BNC2: variants seen among roughly 807,000 people sequenced by gnomAD.
BNC2 encodes zinc finger protein basonuclin-2.
Under a neutral mutation model 76.3 loss-of-function variants are expected in BNC2, and 20 were observed. That is an observed-to-expected ratio of 0.26 (90% confidence interval 0.18 to 0.38). The LOEUF is 0.38. BNC2 is among the 10% of genes least tolerant of loss of function. The pLI is 1.00. For synonymous variants in BNC2, 582 were observed against 514.8 expected, an observed-to-expected ratio of 1.13 and a Z score of -1.77; for missense variants, 1,382 against 1,399.8, an observed-to-expected ratio of 0.99 and a Z score of 0.20.
intron 1 of BNC2, among the ~76,000 whole-genome samples, chr9:16,860,392 G>C (rs1419372697): frequency 6.6e-6 from 1 of 152,096 alleles, no homozygotes; most frequent in Non-Finnish European, 1.5e-5. Flanking sequence ...TATATATCAT[G>C]GTCAATTAAT....
chr9:16,849,382 G>A (rs1407189235), intron 1 of BNC2, among the ~76,000 whole-genome samples: 8 of 98,222 alleles, frequency 8.1e-5, no homozygotes, highest in African/African-American at 3.5e-4. Context: ...TTTTTGAGAT[G>A]GAGTCTCCCT....
intron 1 of BNC2, among the ~76,000 whole-genome samples, chr9:16,817,496 T>C (rs956060327): frequency 6.6e-6 from 1 of 152,168 alleles, no homozygotes; most frequent in African/African-American, 2.4e-5. Flanking sequence ...TCTTGGACAA[T>C]CTGTTTAAAC....
chr9:16,632,900 T>C (rs1821207615), intron 3 of BNC2, among the ~76,000 whole-genome samples: 1 of 152,114 alleles, frequency 6.6e-6, no homozygotes. Context: ...ATAATCGAGT[T>C]TTATAGGAGG....
intron 5 of BNC2, among the ~76,000 whole-genome samples, chr9:16,504,372 G>A (rs758120666): frequency 4.3e-5 from 6 of 139,246 alleles, no homozygotes; most frequent in Non-Finnish European, 9.0e-5. Context: ...CACATATTCT[G>A]AAATAATTGT....
intron 3 of BNC2, among the ~76,000 whole-genome samples, chr9:16,724,918 A>G (rs1237372679): frequency 4.6e-5 from 7 of 152,138 alleles, no homozygotes; most frequent in Admixed American, 4.6e-4. Context: ...GTCTAAATAA[A>G]TAATCAGGAA....
intron 3 of BNC2, among the ~76,000 whole-genome samples, chr9:16,664,809 G>A (rs1822220132): frequency 6.6e-6 from 1 of 152,084 alleles, no homozygotes; most frequent in Admixed American, 6.5e-5. Context: ...GTTCTGCTCT[G>A]GAATAAACTC....
intron 1 of BNC2, among the ~76,000 whole-genome samples, chr9:16,824,993 C>A (rs2135973656): frequency 6.6e-6 from 1 of 152,120 alleles, no homozygotes; most frequent in South Asian, 2.1e-4. Context: ...TATAGCAGAT[C>A]ACACCCCAGA....
In BNC2 at chr9:16,534,756, T is replaced by G. The variant is rs762109656; in HGVS notation, c.669+17774A>C. On this transcript the variant is annotated intron_variant, in intron 5 of 6. Transcript: ENST00000380672. ...TATATTTTCATAAATAACCTAGATA[T>G]GATTTCTTTAAAAAACATTCACAGT... Among the ~76,000 whole-genome samples, 4 of 152,320 alleles carry G rather than the reference T, an allele frequency of 2.6e-5. No homozygotes were observed. The South Asian group carries it at 6.2e-4, about 24-fold the overall frequency.
intron 1 of BNC2, among the ~76,000 whole-genome samples, chr9:16,779,064 C>T (rs548346119): frequency 2.9e-4 from 40 of 137,282 alleles, no homozygotes; most frequent in Middle Eastern, 8.1e-3. Context: ...TGATTGCTTG[C>T]GGTCAGGAGT....
intron 2 of BNC2, among the ~76,000 whole-genome samples, chr9:16,731,737 T>C (rs968609840): frequency 6.6e-6 from 1 of 152,152 alleles, no homozygotes; most frequent in Non-Finnish European, 1.5e-5. Context: ...AATTAAACAT[T>C]TTCCCTGTAA....
chr9:16,748,253 C>T (rs1446178446), intron 1 of BNC2, among the ~76,000 whole-genome samples: 1 of 152,160 alleles, frequency 6.6e-6, no homozygotes, highest in Non-Finnish European at 1.5e-5. Context: ...ATGGCTCACG[C>T]TTGTAATCCC....
Position 16,418,976 on chromosome 9 carries a change from G to T in BNC2, c.*13C>A. On this transcript the variant is annotated 3_prime_UTR_variant, in exon 7 of 7. Transcript: ENST00000380672. ...TCTGGTGAGAGCTGGCATTTGTAGT[G>T]TCCATTCTGAGACTAATCTACTGAA... 6.2e-7 allele frequency: 1 copy of T among 1,613,892 alleles called. No homozygotes were observed.
chr9:16,544,962 T>C (rs909070526), intron 5 of BNC2, among the ~76,000 whole-genome samples: 2 of 152,212 alleles, frequency 1.3e-5, no homozygotes, highest in Admixed American at 6.5e-5. Context: ...TTAACCTTTA[T>C]AGATGAAGAA....
chr9:16,441,691 A>G (rs1340074204), intron 5 of BNC2, among the ~76,000 whole-genome samples: 1 of 152,212 alleles, frequency 6.6e-6, no homozygotes, highest in Non-Finnish European at 1.5e-5. Flanking sequence ...CTGGAACAAA[A>G]GTAACCATTT....
At chr9:16,447,622 C>T (rs1299885786) in intron 5 of BNC2, among the ~76,000 whole-genome samples, 1 of 151,952 alleles carries the variant, frequency 6.6e-6, no homozygotes, top group Non-Finnish European at 1.5e-5. Context: ...ATTACAGTCA[C>T]TAATTCTTTT....
intron 3 of BNC2, among the ~76,000 whole-genome samples, chr9:16,663,405 G>A (rs1319951833): frequency 6.6e-6 from 1 of 152,012 alleles, no homozygotes; most frequent in Non-Finnish European, 1.5e-5. Flanking sequence ...TGGGATTACA[G>A]GCGTGAGCTA....
At chr9:16,529,424 G>C (rs1392862861) in intron 5 of BNC2, among the ~76,000 whole-genome samples, 1 of 152,020 alleles carries the variant, frequency 6.6e-6, no homozygotes, top group Non-Finnish European at 1.5e-5. Context: ...CTACAAAAAG[G>C]GGCTATGGAC....
intron 3 of BNC2, among the ~76,000 whole-genome samples, chr9:16,624,405 G>T (rs1385175078): frequency 6.6e-6 from 1 of 152,082 alleles, no homozygotes; most frequent in Non-Finnish European, 1.5e-5. Flanking sequence ...ATTTTAAAGG[G>T]GGAAACAAGA....
At chr9:16,829,133 CG>C (rs1818522957) in intron 1 of BNC2, among the ~76,000 whole-genome samples, 2 of 152,166 alleles carry the variant, frequency 1.3e-5, no homozygotes, top group Admixed American at 6.5e-5. Flanking sequence ...GTGGCCTCTG[CG>C]GGACTGCAGC....
Sources: gnomAD v4.1 joint callset for allele counts (sites outside exome capture counted in the v4.1 genomes callset) on GRCh38, gnomAD v4.1.1 for gene constraint, MANE v1.5 for transcripts, NCBI Gene and HGNC (gene_info 2026-07-23, HGNC 2026-07-21) for gene names.